Variants in ACADSB observed in about 807,000 individuals in gnomAD.
The protein encoded by ACADSB is short/branched chain specific acyl-CoA dehydrogenase, mitochondrial.
A neutral mutation model predicts 54.1 loss-of-function variants in ACADSB; 40 were observed. The ratio of observed to expected loss-of-function variants is 0.74; its 90% CI spans 0.57 to 0.96. ACADSB has a LOEUF of 0.96. Among genes scored for constraint, ACADSB ranks in the 40% least tolerant of loss-of-function variants. The probability of loss-of-function intolerance (pLI) is 0.00; values close to 1 mark genes in which losing one functional copy is unlikely to be tolerated. For missense variants in ACADSB, 530 were observed against 510.4 expected, an observed-to-expected ratio of 1.04 and a Z score of -0.37; for synonymous variants, 182 against 182.8, an observed-to-expected ratio of 1.00 and a Z score of 0.03.
chr10:123,031,624 C>G (rs1850328201), intron 1 of ACADSB, among the ~76,000 whole-genome samples: 1 of 152,136 alleles, frequency 6.6e-6, no homozygotes, highest in African/African-American at 2.4e-5. Flanking sequence ...TTATTAAAGA[C>G]TGTCATAGTA....
At chr10:123,025,725 T>C (rs889581848) in intron 1 of ACADSB, among the ~76,000 whole-genome samples, 2 of 152,040 alleles carry the variant, frequency 1.3e-5, no homozygotes, top group Non-Finnish European at 2.9e-5. Flanking sequence ...TGTAGACATA[T>C]GAAAACATGC....
chr10:123,047,376 T>C, intron 8 of ACADSB, 78 bp downstream of exon 8: 4 of 1,037,514 alleles, frequency 3.9e-6, no homozygotes, highest in East Asian at 2.4e-5. Context: ...TTGAAATCCA[T>C]GGAGGGAATC....
At chr10:123,040,776 A>G (rs1415791169) in intron 4 of ACADSB, 104 bp downstream of exon 4, 2 of 1,041,716 alleles carry the variant, frequency 1.9e-6, no homozygotes, top group Non-Finnish European at 2.9e-6. Flanking sequence ...ATCCAAGACC[A>G]CAATGCGGTA....
chr10:123,050,905 T>G (rs957354904), intron 8 of ACADSB, 144 bp from the exon 9 acceptor site: 19 of 757,678 alleles, frequency 2.5e-5, no homozygotes, highest in Non-Finnish European at 6.3e-6. Flanking sequence ...TTACTCATTT[T>G]AAAGTATTTA....
In ACADSB at chr10:123,043,159, C is replaced by T. The variant is rs150619709; in HGVS notation, c.795C>T (p.Phe265=). ...CTTCTTCCACCTGCCCGTTAACATTCGAAAATGTCAAGGTGGGTATCGTAG... is the reference window on the plus strand; with the variant it reads ...CTTCTTCCACCTGCCCGTTAACATTTGAAAATGTCAAGGTGGGTATCGTAG... ...LRASSTCPLT[F]ENVKVPEANI... is the part of the protein sequence containing the mutation. Residue 265 remains phenylalanine (F), a synonymous_variant, in exon 6 of 11, where the codon TTC becomes TTT. Coordinates refer to ENST00000358776, the MANE Select transcript of ACADSB (RefSeq NM_001609.4). 1.5e-4 allele frequency: 237 copies of T among 1,613,732 alleles called. No individual in the cohort carries two copies. Among genetic ancestry groups the T allele is most frequent in the Admixed American group, 2.0e-4 (12 of 59,988 alleles).
intron 1 of ACADSB, 109 bp downstream of exon 1, chr10:123,009,180 C>A: frequency 2.5e-6 from 3 of 1,213,134 alleles, no homozygotes; most frequent in Non-Finnish European, 3.5e-6. Flanking sequence ...CTGAGCCCCG[C>A]TCCACGTCCT....
intron 1 of ACADSB, among the ~76,000 whole-genome samples, chr10:123,028,965 A>G (rs1850289416): frequency 6.6e-6 from 1 of 152,162 alleles, no homozygotes; most frequent in African/African-American, 2.4e-5. Context: ...AACTAATATA[A>G]CTGATACCCA....
Position 123,053,860 on chromosome 10 carries a change from C to G in ACADSB, c.*95C>G. On this transcript the variant is annotated 3_prime_UTR_variant, in exon 11 of 11. Transcript: ENST00000358776. ...AGTAAGTGCCTTGCGTGGGAATAAA[C>G]TTCCACAGCATTCGAATATTTTAAT... 9.0e-7 allele frequency: 1 copy of G among 1,110,448 alleles called. No homozygotes were observed. The highest frequency in any genetic ancestry group is 1.4e-6 in the Non-Finnish European group (1 of 725,902). The allele number at this position is 1,110,448 out of a possible 1,614,324, so 68.8% of individuals were successfully genotyped here. A position where few individuals can be genotyped will look rare whatever the true frequency, so the allele number is the denominator to read the frequency against.
At position 123,044,343 on chromosome 10, in the gene ACADSB, T is replaced by C. The variant is rs571323133; in HGVS notation, c.808-50T>C. ...TGTACTTACAAATATATAATCAAAA[T>C]GAATCATGGAAAATGAAACTGAGAA... On this transcript the variant is annotated intron_variant, in intron 6 of 10. Coordinates refer to ENST00000358776, the MANE Select transcript of ACADSB (RefSeq NM_001609.4). 3 of 1,461,000 alleles carry C rather than the reference T, an allele frequency of 2.1e-6. No individual in the cohort carries two copies. The East Asian group carries it at 6.8e-5, about 33-fold the overall frequency. The allele number at this position is 1,461,000 out of a possible 1,614,324, so 90.5% of individuals were successfully genotyped here.
chr10:123,040,480 A>G lies in ACADSB; in HGVS notation c.318A>G (p.Glu106=). The G allele has an allele frequency of 6.2e-7, 1 of 1,614,100 alleles. No homozygotes were observed. Among genetic ancestry groups the G allele is most frequent in the South Asian group, 1.1e-5 (1 of 91,082 alleles). Residue 106 remains glutamate, a synonymous_variant, in exon 4 of 11, where the codon GAA becomes GAG. Transcript: ENST00000358776. ...GLFQQGLMGI[E]VDPEYGGTGA... is the part of the protein sequence containing the mutation. ...TTTTTCTTTAGTTGATGGGTATTGAAGTTGACCCAGAATATGGAGGCACAG... is the reference window on the plus strand; with the variant it reads ...TTTTTCTTTAGTTGATGGGTATTGAGGTTGACCCAGAATATGGAGGCACAG...
rs1849950390 is a variant in ACADSB, at chr10:123,009,021, G to A, written c.-9G>A. On this transcript the variant is annotated 5_prime_UTR_variant, in exon 1 of 11. Transcript: ENST00000358776. ...CCAGAGGCGCAGAGCGGAGAGGCCT[G>A]CGGCGAGGATGGAGGGCCTGGCAGT... The A allele has an allele frequency of 1.3e-6, 2 of 1,547,948 alleles. No homozygotes were observed. Among genetic ancestry groups the A allele is most frequent in the Non-Finnish European group, 8.7e-7 (1 of 1,146,860 alleles).
Position 123,037,777 on chromosome 10 carries a change from C to T in ACADSB, c.233C>T (p.Pro78Leu). 2 of 1,612,204 alleles carry T rather than the reference C, an allele frequency of 1.2e-6. No homozygotes were observed. The highest frequency in any genetic ancestry group is 2.2e-5 in the East Asian group (1 of 44,732). Residue 78 changes from proline (P) to leucine (L), a missense_variant, in exon 3 of 11, where the codon CCT becomes CTT. Physicochemically the swap from Pro to Leu is moderately conservative, Grantham distance 98. Transcript: ENST00000358776. The part of the protein sequence containing the change: ...VKKFAQEQIA[P>L]LVSTMDENSK... ...AAATTTGCTCAGGAACAAATTGCAC[C>T]TTTGGTTTCAACCATGGATGAAAAT... is the stretch of plus-strand genomic sequence containing the variant.
At chr10:123,037,899 C>G in intron 3 of ACADSB, 52 bp downstream of exon 3, 1 of 1,288,832 alleles carries the variant, frequency 7.8e-7, no homozygotes, top group Non-Finnish European at 1.1e-6. Flanking sequence ...AATTCAGGGA[C>G]TGTAATGATA....
At chr10:123,017,051 G>A (rs1319559156) in intron 1 of ACADSB, among the ~76,000 whole-genome samples, 6 of 152,006 alleles carry the variant, frequency 3.9e-5, no homozygotes, top group African/African-American at 1.2e-4. Flanking sequence ...TGGTCTTTTG[G>A]CATCTATTTA....
chr10:123,052,136 G>T lies in ACADSB; in HGVS notation c.1129-925G>T, dbSNP rs575294019. On this transcript the variant is annotated intron_variant, in intron 9 of 10. Coordinates refer to ENST00000358776, the MANE Select transcript of ACADSB (RefSeq NM_001609.4). This position sits in a 1 kb window ranked among gnomAD's most constrained non-coding sequence, Gnocchi z 4.2. ...TCAGTGGCTTCTCACAACAAATGGA[G>T]CTCTATCTGTACTAGATTCCAATTG... Among the ~76,000 whole-genome samples the T allele has an allele frequency of 6.6e-6, 1 of 152,278 alleles. No individual in the cohort carries two copies. The highest frequency in any genetic ancestry group is 6.5e-5 in the Admixed American group (1 of 15,288).
Position 123,056,721 on chromosome 10 carries a change from A to G in ACADSB, c.*2956A>G, listed in dbSNP as rs1418876477. 2.0e-5 allele frequency: 3 copies of G among 152,260 alleles called. No individual in the cohort carries two copies. Among genetic ancestry groups the G allele is most frequent in the Non-Finnish European group, 4.4e-5 (3 of 68,048 alleles). The allele number at this position is 152,260 out of a possible 1,614,324, so 9.4% of individuals were successfully genotyped here. On this transcript the variant is annotated 3_prime_UTR_variant, in exon 11 of 11. Transcript: ENST00000358776. ...GTTGCTTAGAATAATCATTACTGTT[A>G]TATGAGAAACATTTTAGTAATTTAA... is the stretch of plus-strand genomic sequence containing the variant.
Position 123,053,611 on chromosome 10 carries a change from C to T in ACADSB, c.1229-84C>T, listed in dbSNP as rs41291346. On this transcript the variant is annotated intron_variant, in intron 10 of 10. Transcript: ENST00000358776. ...TGACTAGTAACTGTTTTATAGCAAG[C>T]GCAGAGGTGATGTTTATAGAGCTAT... The T allele has an allele frequency of 0.025, 28,993 of 1,152,540 alleles. 433 individuals carry two copies. Among genetic ancestry groups the T allele is most frequent in the African/African-American group, 0.046 (3,021 of 65,800 alleles). 71.4% of individuals were successfully genotyped at this position (1,152,540 alleles called of 1,614,324 possible). A position where few individuals can be genotyped will look rare whatever the true frequency, so the allele number is the denominator to read the frequency against.
chr10:123,023,306 T>C (rs1344601945), intron 1 of ACADSB, among the ~76,000 whole-genome samples: 2 of 152,244 alleles, frequency 1.3e-5, no homozygotes, highest in Non-Finnish European at 2.9e-5. Flanking sequence ...GGCATTTCTA[T>C]TTTTGTTTTA....
At chr10:123,014,526 C>G (rs893484060) in intron 1 of ACADSB, among the ~76,000 whole-genome samples, 17 of 152,294 alleles carry the variant, frequency 1.1e-4, no homozygotes, top group Admixed American at 9.8e-4. Context: ...GTAGGCAGAA[C>G]ACATTACCAA....
Sources: allele counts gnomAD v4.1 joint callset (sites outside exome capture counted in the v4.1 genomes callset), GRCh38; gene constraint gnomAD v4.1.1; non-coding constraint Gnocchi (gnomAD v3.1); transcripts MANE v1.5; gene names NCBI Gene and HGNC (gene_info 2026-07-23, HGNC 2026-07-21).